ASCC3: variants seen among roughly 807,000 people sequenced by gnomAD.
ASCC3 encodes the protein ASC-1 complex subunit P200.
ASCC3 carries 158 observed loss-of-function variants against 256.3 expected under a neutral mutation model. That is an observed-to-expected ratio of 0.62 (90% CI 0.54 to 0.70). The LOEUF (loss-of-function observed/expected upper bound fraction) is 0.70, where lower values mean the gene tolerates loss of function less well. Ranked by LOEUF, ASCC3 falls within the 30% of genes least tolerant of loss-of-function variation. ASCC3 has a pLI of 0.00. For missense variants in ASCC3, 2,259 were observed against 2,626.0 expected, an observed-to-expected ratio of 0.86 and a Z score of 3.05; for synonymous variants, 948 against 883.4, an observed-to-expected ratio of 1.07 and a Z score of -1.30.
chr6:100,691,088 T>C (rs912201411), intron 13 of ASCC3, among the ~76,000 whole-genome samples: 6 of 152,072 alleles, frequency 3.9e-5, no homozygotes, highest in Non-Finnish European at 5.9e-5. Flanking sequence ...TATTAAAAAG[T>C]ATAATTTAAA....
chr6:100,850,449 C>A (rs1381020181), intron 3 of ASCC3, among the ~76,000 whole-genome samples: 1 of 152,134 alleles, frequency 6.6e-6, no homozygotes, highest in Non-Finnish European at 1.5e-5. Context: ...GTATTGATGA[C>A]AATACCACTG....
chr6:100,673,063 C>T (rs1301392799), intron 14 of ASCC3, among the ~76,000 whole-genome samples: 1 of 152,026 alleles, frequency 6.6e-6, no homozygotes, highest in Admixed American at 6.6e-5. Flanking sequence ...TGCACTTTAA[C>T]TTGGGAGAAA....
intron 13 of ASCC3, among the ~76,000 whole-genome samples, chr6:100,700,787 T>C (rs764889252): frequency 6.6e-6 from 1 of 152,226 alleles, no homozygotes; most frequent in East Asian, 1.9e-4. Flanking sequence ...CCATTTGGAA[T>C]GCTGTATTTA....
At chr6:100,576,608 G>A (rs1770875318) in intron 36 of ASCC3, among the ~76,000 whole-genome samples, 1 of 152,020 alleles carries the variant, frequency 6.6e-6, no homozygotes, top group South Asian at 2.1e-4. Context: ...TAACTTGAAG[G>A]GTTATTTGAT....
chr6:100,593,325 G>A (rs1772101256), intron 34 of ASCC3, among the ~76,000 whole-genome samples: 1 of 152,006 alleles, frequency 6.6e-6, no homozygotes, highest in South Asian at 2.1e-4. Context: ...TTGGGAAAAA[G>A]TCATAACAAA....
chr6:100,709,914 T>C (rs1052612669), intron 13 of ASCC3, among the ~76,000 whole-genome samples: 3 of 152,128 alleles, frequency 2.0e-5, no homozygotes, highest in African/African-American at 2.4e-5. Flanking sequence ...TAACAAACAG[T>C]ATAGGAGATA....
At chr6:100,717,459 G>C (rs1380404277) in intron 12 of ASCC3, among the ~76,000 whole-genome samples, 1 of 151,808 alleles carries the variant, frequency 6.6e-6, no homozygotes, top group Non-Finnish European at 1.5e-5. Context: ...TTTAAGTAAT[G>C]TTTTCCTTCA....
At chr6:100,667,615 C>T (rs1242069864) in intron 14 of ASCC3, among the ~76,000 whole-genome samples, 3 of 151,836 alleles carry the variant, frequency 2.0e-5, no homozygotes, top group Admixed American at 2.0e-4. Context: ...TAGAAAGTAA[C>T]CAAGACTGGA....
Position 100,868,078 on chromosome 6 carries a change from G to A in ASCC3, c.-41-40C>T. On this transcript the variant is annotated intron_variant, in intron 1 of 41. Transcript: ENST00000369162. Reference sequence around the variant, plus strand: ...GATGATATTTATCTGTTCGGAAGAGGTGGCAGAGGTAATCAAACTCAACAA... The same window carrying A: ...GATGATATTTATCTGTTCGGAAGAGATGGCAGAGGTAATCAAACTCAACAA... The A allele has an allele frequency of 3.6e-6, 4 of 1,111,278 alleles. 1 individual carries two copies. In the South Asian group the frequency reaches 3.9e-5, roughly 11 times the overall value. The allele number at this position is 1,111,278 out of a possible 1,614,324, so 68.8% of individuals were successfully genotyped here.
chr6:100,590,425 C>A (rs1386666924), intron 34 of ASCC3, among the ~76,000 whole-genome samples: 1 of 152,080 alleles, frequency 6.6e-6, no homozygotes, highest in Non-Finnish European at 1.5e-5. Flanking sequence ...AATGTGCATC[C>A]CTGCAACACT....
At chr6:100,621,009 G>A (rs1049252691) in intron 30 of ASCC3, among the ~76,000 whole-genome samples, 1 of 152,084 alleles carries the variant, frequency 6.6e-6, no homozygotes, top group Non-Finnish European at 1.5e-5. Context: ...ATTGCTTTTA[G>A]AATCAGTACT....
intron 25 of ASCC3, among the ~76,000 whole-genome samples, chr6:100,635,302 C>T (rs1415107589): frequency 6.6e-6 from 1 of 151,784 alleles, no homozygotes; most frequent in Non-Finnish European, 1.5e-5. Flanking sequence ...TATAGATGAA[C>T]CCAAGGGACA....
At chr6:100,523,201 A>C (rs1297195310) in intron 37 of ASCC3, among the ~76,000 whole-genome samples, 1 of 151,916 alleles carries the variant, frequency 6.6e-6, no homozygotes, top group East Asian at 1.9e-4. Context: ...ATCTTGGGCA[A>C]ATCACTTAAC....
At position 100,582,928 on chromosome 6, in the gene ASCC3, A is replaced by G. The variant is rs561992736; in HGVS notation, c.5550+6706T>C. 3.8e-3 allele frequency among the ~76,000 whole-genome samples: 583 copies of G among 152,182 alleles called. 8 individuals are homozygous for G. Among genetic ancestry groups the G allele is most frequent in the African/African-American group, 0.014 (561 of 41,522 alleles). ...ATATTGAACCAGCCTTGCATCCCAG[A>G]GATGAAGCCCACTTGATCATGGTGG... On this transcript the variant is annotated intron_variant, in intron 36 of 41. Coordinates refer to ENST00000369162, the MANE Select transcript of ASCC3 (RefSeq NM_006828.4).
intron 36 of ASCC3, among the ~76,000 whole-genome samples, chr6:100,542,724 T>C (rs942770500): frequency 4.7e-4 from 71 of 151,738 alleles, no homozygotes; most frequent in African/African-American, 1.6e-3. Context: ...CAACTGTCAA[T>C]CTAGAATGCT....
At chr6:100,647,029 T>C (rs1165038512) in intron 21 of ASCC3, among the ~76,000 whole-genome samples, 197 bp downstream of exon 21, 3 of 152,324 alleles carry the variant, frequency 2.0e-5, no homozygotes, top group African/African-American at 7.2e-5. Context: ...GACTTGATAG[T>C]GTTTAAACTA....
intron 4 of ASCC3, among the ~76,000 whole-genome samples, chr6:100,828,939 C>T (rs937371772): frequency 2.0e-5 from 3 of 152,006 alleles, no homozygotes; most frequent in Non-Finnish European, 4.4e-5. Context: ...TACAGAGACC[C>T]GAGTGGTCTG....
intron 13 of ASCC3, among the ~76,000 whole-genome samples, chr6:100,688,744 C>T (rs1350459093): frequency 1.3e-5 from 2 of 152,102 alleles, no homozygotes; most frequent in Non-Finnish European, 1.5e-5. Flanking sequence ...ATAACGGGCT[C>T]GCCTAGCACT....
chr6:100,690,531 G>A (rs767033328), intron 13 of ASCC3, among the ~76,000 whole-genome samples: 11 of 152,084 alleles, frequency 7.2e-5, no homozygotes, highest in Non-Finnish European at 1.3e-4. Context: ...TATTAATCAT[G>A]AGTGTATCAA....
Sources: allele counts gnomAD v4.1 joint callset (sites outside exome capture counted in the v4.1 genomes callset), GRCh38; gene constraint gnomAD v4.1.1; transcripts MANE v1.5; gene names NCBI Gene and HGNC (gene_info 2026-07-23, HGNC 2026-07-21).